Variants in AATF observed in about 807,000 individuals in gnomAD.
AATF encodes protein AATF.
Under a neutral mutation model 63.7 loss-of-function variants are expected in AATF, and 48 were observed. That is an observed-to-expected ratio of 0.75 (90% CI 0.60 to 0.96). AATF has a LOEUF of 0.96. Among genes scored for constraint, AATF ranks in the 40% least tolerant of loss-of-function variants. The pLI is 0.00. For missense variants in AATF, 639 were observed against 685.7 expected, an observed-to-expected ratio of 0.93 and a Z score of 0.76; for synonymous variants, 258 against 247.7, an observed-to-expected ratio of 1.04 and a Z score of -0.39.
chr17:36,983,946 A>G (rs950653816), intron 4 of AATF, among the ~76,000 whole-genome samples: 7 of 152,202 alleles, frequency 4.6e-5, no homozygotes, highest in Non-Finnish European at 7.4e-5. Flanking sequence ...GTTGGCTCTC[A>G]GGCCTGACAT....
intron 8 of AATF, among the ~76,000 whole-genome samples, chr17:37,002,858 T>C (rs2071311508): frequency 6.6e-6 from 1 of 151,228 alleles, no homozygotes; most frequent in South Asian, 2.1e-4. Context: ...ACTCCCCAAA[T>C]TGATCTAAAG....
At chr17:36,950,009 T>C (rs1162258566) in intron 1 of AATF, among the ~76,000 whole-genome samples, 4 of 152,252 alleles carry the variant, frequency 2.6e-5, no homozygotes, top group Non-Finnish European at 5.9e-5. Flanking sequence ...TAGATCCCAC[T>C]AGTAGATGCC....
At chr17:36,969,715 A>AT (rs2071024100) in intron 4 of AATF, among the ~76,000 whole-genome samples, 1 of 152,214 alleles carries the variant, frequency 6.6e-6, no homozygotes, top group East Asian at 1.9e-4. Context: ...GTAATTTGAC[A>AT]TTTATATACA....
At chr17:37,005,614 A>G (rs2071335732) in intron 8 of AATF, among the ~76,000 whole-genome samples, 1 of 152,186 alleles carries the variant, frequency 6.6e-6, no homozygotes, top group Non-Finnish European at 1.5e-5. Context: ...AACACAAATG[A>G]CATATAGTAA....
chr17:36,962,200 T>C (rs2070953005), intron 4 of AATF, among the ~76,000 whole-genome samples: 4 of 152,228 alleles, frequency 2.6e-5, no homozygotes, highest in African/African-American at 9.6e-5. Flanking sequence ...AGCACTGAAA[T>C]AACATATGCA....
intron 4 of AATF, among the ~76,000 whole-genome samples, chr17:36,975,251 G>A (rs187291299): frequency 2.6e-5 from 4 of 151,160 alleles, no homozygotes; most frequent in Admixed American, 6.6e-5. Flanking sequence ...CTTTTTTTTC[G>A]TTAAAATTAA....
At chr17:37,035,772 G>A (rs1331406335) in intron 11 of AATF, among the ~76,000 whole-genome samples, 1 of 152,108 alleles carries the variant, frequency 6.6e-6, no homozygotes, top group East Asian at 1.9e-4. Context: ...AAATGTGTCT[G>A]TTAACACAGA....
At chr17:37,041,040 A>C (rs2071634384) in intron 11 of AATF, among the ~76,000 whole-genome samples, 1 of 152,232 alleles carries the variant, frequency 6.6e-6, no homozygotes, top group Non-Finnish European at 1.5e-5. Context: ...CTTATGGAAG[A>C]AAATTTGAAA....
At chr17:37,005,296 G>C (rs2071333795) in intron 8 of AATF, among the ~76,000 whole-genome samples, 1 of 152,140 alleles carries the variant, frequency 6.6e-6, no homozygotes, top group Admixed American at 6.6e-5. Context: ...GTGTATATCA[G>C]GGGTGATTAT....
At chr17:37,010,899 A>G (rs2071385549) in intron 8 of AATF, among the ~76,000 whole-genome samples, 1 of 152,218 alleles carries the variant, frequency 6.6e-6, no homozygotes, top group East Asian at 1.9e-4. Context: ...GGAGAGGTAG[A>G]CAAGGGCCCT....
intron 2 of AATF, among the ~76,000 whole-genome samples, chr17:36,951,001 A>G (rs9905721): frequency 0.09 from 13,737 of 152,194 alleles, 1,359 homozygotes; most frequent in African/African-American, 0.23. Context: ...GCACTGTGTG[A>G]TATTAGTTAT....
chr17:36,950,198 C>A lies in AATF; in HGVS notation c.92-16C>A. On this transcript the variant is annotated splice_polypyrimidine_tract_variant and intron_variant, in intron 1 of 11. Coordinates refer to ENST00000619387, the MANE Select transcript of AATF (RefSeq NM_012138.4). Reference sequence around the variant, plus strand: ...TAACCTGGAGATTCTGTTTACTTTTCCCTCTCCCCCGACAGCCACTGCTGC... The same window carrying A: ...TAACCTGGAGATTCTGTTTACTTTTACCTCTCCCCCGACAGCCACTGCTGC... 2 of 1,608,396 alleles carry A rather than the reference C, an allele frequency of 1.2e-6. No homozygotes were observed. The highest frequency in any genetic ancestry group is 1.7e-6 in the Non-Finnish European group (2 of 1,175,536).
chr17:37,015,721 T>A (rs1167642158), intron 8 of AATF, among the ~76,000 whole-genome samples: 1 of 152,156 alleles, frequency 6.6e-6, no homozygotes, highest in Non-Finnish European at 1.5e-5. Context: ...CACCATTCAG[T>A]TTCTTCCAGA....
chr17:37,005,095 G>A (rs2071332028), intron 8 of AATF, among the ~76,000 whole-genome samples: 1 of 152,164 alleles, frequency 6.6e-6, no homozygotes, highest in African/African-American at 2.4e-5. Context: ...CATATATGTG[G>A]GAATATATAT....
chr17:36,968,266 C>CTTTTTT lies in AATF; in HGVS notation c.832+14362_832+14363insTTTTTT, dbSNP rs2071009164. The stretch of plus-strand genomic sequence containing the variant: ...CTTTTTTCTTTTTCTTTCTTTCCTT[C>CTTTTTT]TTTCTTTTTTTTTTTTTTTTTTTTT... On this transcript the variant is annotated intron_variant, in intron 4 of 11. Transcript: ENST00000619387. 1.2e-3 allele frequency among the ~76,000 whole-genome samples: 90 copies of CTTTTTT among 75,576 alleles called. 14 individuals are homozygous for CTTTTTT. The highest frequency in any genetic ancestry group is 4.3e-3 in the African/African-American group (79 of 18,498). The allele number at this position is 75,576 out of a possible 152,430, so 49.6% of individuals were successfully genotyped here. A position where few individuals can be genotyped will look rare whatever the true frequency, so the allele number is the denominator to read the frequency against.
chr17:36,953,958 A>AT, intron 4 of AATF, 51 bp downstream of exon 4: 17 of 1,582,374 alleles, frequency 1.1e-5, no homozygotes, highest in Non-Finnish European at 1.5e-5. Context: ...TTGTCAAATG[A>AT]AGACAGCTTT....
intron 8 of AATF, among the ~76,000 whole-genome samples, chr17:36,994,079 A>G (rs1344218365): frequency 6.6e-6 from 1 of 152,160 alleles, no homozygotes; most frequent in Non-Finnish European, 1.5e-5. Context: ...TGATATCATA[A>G]ATAATCTTAT....
chr17:36,997,470 A>T (rs2071262910), intron 8 of AATF, among the ~76,000 whole-genome samples: 1 of 152,206 alleles, frequency 6.6e-6, no homozygotes, highest in African/African-American at 2.4e-5. Flanking sequence ...CAAACATGAA[A>T]ACATACTCAG....
chr17:36,960,719 G>A (rs1233592372), intron 4 of AATF, among the ~76,000 whole-genome samples: 1 of 152,132 alleles, frequency 6.6e-6, no homozygotes, highest in African/African-American at 2.4e-5. Context: ...CTTGGGATGG[G>A]TTTAAGTATT....
Sources: allele counts gnomAD v4.1 joint callset (sites outside exome capture counted in the v4.1 genomes callset), GRCh38; gene constraint gnomAD v4.1.1; transcripts MANE v1.5; gene names NCBI Gene and HGNC (gene_info 2026-07-23, HGNC 2026-07-21).